SLC4A4: variants seen among roughly 807,000 people sequenced by gnomAD.
SLC4A4 encodes electrogenic sodium bicarbonate cotransporter 1.
In SLC4A4, 27 loss-of-function variants were observed where a neutral mutation model predicts 111.5. The ratio of observed to expected loss-of-function variants is 0.24; its 90% CI spans 0.18 to 0.33. The LOEUF (loss-of-function observed/expected upper bound fraction) is 0.33. SLC4A4 is among the 10% of genes least tolerant of loss of function. The probability of loss-of-function intolerance (pLI) is 1.00; values close to 1 mark genes in which losing one functional copy is unlikely to be tolerated. For missense variants in SLC4A4, 909 were observed against 1,315.5 expected, an observed-to-expected ratio of 0.69 and a Z score of 4.78; for synonymous variants, 443 against 463.4, an observed-to-expected ratio of 0.96 and a Z score of 0.57.
intron 5 of SLC4A4, among the ~76,000 whole-genome samples, chr4:71,353,484 A>G (rs1439655651): frequency 6.6e-6 from 1 of 152,186 alleles, no homozygotes; most frequent in East Asian, 1.9e-4. Flanking sequence ...AAACATCTTA[A>G]TCCTCTGAAC....
At chr4:71,332,448 T>C (rs1728079456) in intron 3 of SLC4A4, among the ~76,000 whole-genome samples, 1 of 148,624 alleles carries the variant, frequency 6.7e-6, no homozygotes, top group African/African-American at 2.4e-5. Flanking sequence ...GTATTTTCTT[T>C]TTTTTTTTTT....
At chr4:71,222,378 C>T (rs1718798184) in intron 1 of SLC4A4, among the ~76,000 whole-genome samples, 1 of 152,198 alleles carries the variant, frequency 6.6e-6, no homozygotes, top group Non-Finnish European at 1.5e-5. Flanking sequence ...TCTTAACTAC[C>T]TATTTAAAAC....
chr4:71,092,237 C>T (rs983652591), intron 1 of SLC4A4, among the ~76,000 whole-genome samples: 1 of 151,368 alleles, frequency 6.6e-6, no homozygotes, highest in African/African-American at 2.4e-5. Context: ...TTCTAAAGCT[C>T]ATTTTAAGTA....
intron 1 of SLC4A4, among the ~76,000 whole-genome samples, chr4:71,064,111 A>G (rs1414021427): frequency 6.6e-6 from 1 of 152,220 alleles, no homozygotes; most frequent in Admixed American, 6.5e-5. Flanking sequence ...TAGGTTCTAC[A>G]GGGCTCTTTC....
intron 6 of SLC4A4, among the ~76,000 whole-genome samples, chr4:71,391,728 C>CT (rs1004641415): frequency 1.4e-3 from 209 of 150,880 alleles, no homozygotes; most frequent in Middle Eastern, 6.8e-3. Flanking sequence ...CTTTTATTTT[C>CT]TTTTTTTTTA....
intron 7 of SLC4A4, among the ~76,000 whole-genome samples, chr4:71,436,559 A>T (rs12646284): frequency 1.3e-5 from 2 of 152,208 alleles, no homozygotes; most frequent in East Asian, 3.8e-4. Context: ...AAGTATAAAA[A>T]ATACTTTTGC....
chr4:71,082,336 G>A (rs1040185408), intron 1 of SLC4A4, among the ~76,000 whole-genome samples: 1 of 142,536 alleles, frequency 7.0e-6, no homozygotes, highest in Non-Finnish European at 1.6e-5. Flanking sequence ...GCAAATAACT[G>A]TCCCCCCCAC....
chr4:71,165,763 A>G (rs1475881062), intron 2 of SLC4A4, among the ~76,000 whole-genome samples: 1 of 152,178 alleles, frequency 6.6e-6, no homozygotes, highest in African/African-American at 2.4e-5. Flanking sequence ...TCTTCTTGTT[A>G]CAGTACATCA....
At chr4:71,505,448 TAA>T (rs1442954808) in intron 16 of SLC4A4, among the ~76,000 whole-genome samples, 1 of 151,910 alleles carries the variant, frequency 6.6e-6, no homozygotes, top group African/African-American at 2.4e-5. Context: ...TAATGATTAG[TAA>T]TGTTGAGGTT....
At chr4:71,077,341 A>C (rs1386153065) in intron 1 of SLC4A4, among the ~76,000 whole-genome samples, 8 of 151,912 alleles carry the variant, frequency 5.3e-5, no homozygotes, top group Non-Finnish European at 7.4e-5. Flanking sequence ...TTGTATTTTT[A>C]GTAGAGACAG....
chr4:71,146,254 G>A (rs543618962), intron 2 of SLC4A4, among the ~76,000 whole-genome samples: 121 of 152,212 alleles, frequency 7.9e-4, no homozygotes, highest in Middle Eastern at 6.8e-3. Flanking sequence ...GTAGTTGAGC[G>A]GTTTTGAGTG....
chr4:71,248,148 C>T (rs550520404), intron 2 of SLC4A4, among the ~76,000 whole-genome samples: 1 of 152,048 alleles, frequency 6.6e-6, no homozygotes, highest in Admixed American at 6.6e-5. Flanking sequence ...GACTCTTTTG[C>T]CCTCCTCTAG....
intron 1 of SLC4A4, among the ~76,000 whole-genome samples, chr4:71,228,658 C>A (rs886457474): frequency 3.9e-5 from 6 of 152,062 alleles, no homozygotes; most frequent in African/African-American, 1.2e-4. Context: ...TGTACCTGAC[C>A]ACCATGTAGA....
chr4:71,339,949 GGCTTGT>G (rs1728753115), intron 4 of SLC4A4, among the ~76,000 whole-genome samples: 2 of 152,014 alleles, frequency 1.3e-5, no homozygotes, highest in African/African-American at 2.4e-5. Flanking sequence ...CAGGTGCAGT[GGCTTGT>G]GCCTGTAATC....
rs574501956 is a variant in SLC4A4 at position 71,389,420 on chromosome 4, C to A, written c.731-8157C>A. The stretch of plus-strand genomic sequence containing the variant: ...TAGTTTCTCCCAGCTTTTCTCTACC[C>A]CAGCCTCTCCTTTCCTTTAGCTGAG... On this transcript the variant is annotated intron_variant, in intron 6 of 25. Transcript: ENST00000264485. 2.6e-5 allele frequency among the ~76,000 whole-genome samples: 4 copies of A among 152,288 alleles called. No homozygotes were observed. In the East Asian group the frequency reaches 7.7e-4, roughly 29 times the overall value.
intron 16 of SLC4A4, among the ~76,000 whole-genome samples, chr4:71,517,736 A>T (rs1375678864): frequency 6.6e-6 from 1 of 152,214 alleles, no homozygotes; most frequent in African/African-American, 2.4e-5. Context: ...GACTAATTTC[A>T]GTCCTTGCAG....
chr4:71,486,865 G>A lies in SLC4A4; in HGVS notation c.1904-83G>A, dbSNP rs1417368179. The A allele has an allele frequency of 5.8e-6, 4 of 686,896 alleles. No individual in the cohort carries two copies. In the East Asian group the frequency reaches 9.7e-5, roughly 17 times the overall value. The allele number at this position is 686,896 out of a possible 1,614,324, so 42.6% of individuals were successfully genotyped here. On this transcript the variant is annotated intron_variant, in intron 14 of 25. Transcript: ENST00000264485. ...AAAGACATTTTTACTGTATAACCCTGCTTTTAAAAATACCTAATTATGCAT... is the reference window on the plus strand; with the variant it reads ...AAAGACATTTTTACTGTATAACCCTACTTTTAAAAATACCTAATTATGCAT...
At position 71,337,263 on chromosome 4, in the gene SLC4A4, T is replaced by G. The variant is rs1201103265; in HGVS notation, c.254-2107T>G. Among the ~76,000 whole-genome samples, 3 of 152,210 alleles carry G rather than the reference T, an allele frequency of 2.0e-5. No homozygotes were observed. The East Asian group carries it at 5.8e-4, about 29-fold the overall frequency. ...TTAATCTAAATTGTGGTGACTGAAA[T>G]GTACACATATCAGACTGAGCACCGT... On this transcript the variant is annotated intron_variant, in intron 3 of 25. Coordinates refer to ENST00000264485, the MANE Select transcript of SLC4A4 (RefSeq NM_001098484.3).
chr4:71,075,971 A>C (rs908506408), intron 1 of SLC4A4, among the ~76,000 whole-genome samples: 1 of 149,622 alleles, frequency 6.7e-6, no homozygotes, highest in East Asian at 2.0e-4. Context: ...ATAAATAAAT[A>C]AATAAATAAA....
Sources: gnomAD v4.1 joint callset for allele counts (sites outside exome capture counted in the v4.1 genomes callset) on GRCh38, gnomAD v4.1.1 for gene constraint, MANE v1.5 for transcripts, NCBI Gene and HGNC (gene_info 2026-07-23, HGNC 2026-07-21) for gene names.